The following USP34 variants were observed in gnomAD, a reference collection of about 807,000 sequenced individuals.
USP34 encodes ubiquitin carboxyl-terminal hydrolase 34.
In USP34, 70 loss-of-function variants were observed where a neutral mutation model predicts 460.3. The ratio of observed to expected loss-of-function variants is 0.15; its 90% CI spans 0.13 to 0.19. The LOEUF is 0.19. Among genes scored for constraint, USP34 ranks in the 10% least tolerant of loss-of-function variants. USP34 has a pLI of 1.00. For missense variants in USP34, 3,985 were observed against 4,236.2 expected, an observed-to-expected ratio of 0.94 and a Z score of 1.65; for synonymous variants, 1,647 against 1,405.3, an observed-to-expected ratio of 1.17 and a Z score of -3.85.
chr2:61,380,568 C>A (rs1020838272), intron 6 of USP34, among the ~76,000 whole-genome samples: 1 of 150,812 alleles, frequency 6.6e-6, no homozygotes, highest in Non-Finnish European at 1.5e-5. Flanking sequence ...TTCCTCAAGG[C>A]CTGTAATGGA....
intron 1 of USP34, among the ~76,000 whole-genome samples, chr2:61,466,406 T>C (rs989394672): frequency 6.6e-6 from 1 of 151,612 alleles, no homozygotes. Context: ...GCCTGGGCAA[T>C]GGGAAAGAAA....
Position 61,308,401 on chromosome 2 carries a change from C to A in USP34, c.3817+3139G>T, listed in dbSNP as rs562072316. Among the ~76,000 whole-genome samples the A allele has an allele frequency of 2.0e-4, 30 of 151,890 alleles. No homozygotes were observed. In the South Asian group the frequency reaches 5.8e-3, roughly 30 times the overall value. On this transcript the variant is annotated intron_variant, in intron 27 of 79. Coordinates refer to ENST00000398571, the MANE Select transcript of USP34 (RefSeq NM_014709.4). ...AATGAAAAACTCAGTAGAAAGACTG[C>A]AAAATAATGTTGAGAACATCTCTCA...
At chr2:61,300,426 A>G (rs1281157843) in intron 29 of USP34, among the ~76,000 whole-genome samples, 1 of 148,420 alleles carries the variant, frequency 6.7e-6, no homozygotes, top group Non-Finnish European at 1.5e-5. Flanking sequence ...TGACCTCGTG[A>G]TCTGCCCATC....
chr2:61,406,956 G>A (rs907463617), intron 2 of USP34, among the ~76,000 whole-genome samples: 4 of 152,078 alleles, frequency 2.6e-5, no homozygotes, highest in African/African-American at 9.7e-5. Flanking sequence ...GCTGTAGTGA[G>A]CCAAGATTAC....
chr2:61,397,212 G>C (rs1019540451), intron 3 of USP34, among the ~76,000 whole-genome samples: 2 of 152,064 alleles, frequency 1.3e-5, no homozygotes, highest in African/African-American at 2.4e-5. Context: ...GGAGGCCAAG[G>C]TGGGCAGATC....
chr2:61,381,182 G>C (rs915473570), intron 6 of USP34, among the ~76,000 whole-genome samples: 1 of 131,712 alleles, frequency 7.6e-6, no homozygotes, highest in Non-Finnish European at 1.6e-5. Context: ...CCCTCTGCAA[G>C]AAACACCCAA....
At chr2:61,206,614 A>C in intron 71 of USP34, 146 bp downstream of exon 71, 1 of 1,060,744 alleles carries the variant, frequency 9.4e-7, no homozygotes. Context: ...TTCATGACAA[A>C]CATTTCCTGA....
intron 75 of USP34, chr2:61,200,117 T>TCA (rs1439349946): frequency 6.6e-6 from 1 of 152,430 alleles, no homozygotes; most frequent in African/African-American, 2.4e-5. Flanking sequence ...AGTGGTGTGA[T>TCA]CACAGCTCAC....
Position 61,331,268 on chromosome 2 carries a change from G to GT in USP34, c.2930+7dup, listed in dbSNP as rs1190910572. 3.7e-6 allele frequency: 6 copies of GT among 1,604,218 alleles called. No individual in the cohort carries two copies. In the Admixed American group the frequency reaches 8.4e-5, roughly 22 times the overall value. ...CAAATGTATTTAACCCAGTTGAGAG[G>GT]TACTTACAGTGCATGTTTTTGTCTT... is the stretch of plus-strand genomic sequence containing the variant. On this transcript the variant is annotated splice_region_variant and intron_variant, in intron 20 of 79. Coordinates refer to ENST00000398571, the MANE Select transcript of USP34 (RefSeq NM_014709.4).
intron 53 of USP34, among the ~76,000 whole-genome samples, chr2:61,237,312 C>T (rs967723360): frequency 1.3e-5 from 2 of 152,114 alleles, no homozygotes; most frequent in African/African-American, 4.8e-5. Flanking sequence ...GAGCCCCATT[C>T]TAAACTCTGG....
intron 2 of USP34, among the ~76,000 whole-genome samples, chr2:61,417,869 G>T (rs1694243774): frequency 6.7e-6 from 1 of 149,816 alleles, no homozygotes. Context: ...AGGCTCCCGA[G>T]TAGCTGGGGT....
rs894801767 is a variant in USP34 at position 61,220,461 on chromosome 2, C to T, written c.7900-4G>A. On this transcript the variant is annotated splice_region_variant and splice_polypyrimidine_tract_variant and intron_variant, in intron 66 of 79. Coordinates refer to ENST00000398571, the MANE Select transcript of USP34 (RefSeq NM_014709.4). The stretch of plus-strand genomic sequence containing the variant: ...GAGAAGGATTGTATTCAATCACCTA[C>T]AAATAACATGACAAGAACAGAATAT... The T allele has an allele frequency of 3.1e-6, 5 of 1,604,602 alleles. No homozygotes were observed. In the African/African-American group the frequency reaches 5.4e-5, roughly 17 times the overall value.
At chr2:61,452,539 G>A (rs1380183669) in intron 1 of USP34, among the ~76,000 whole-genome samples, 1 of 151,750 alleles carries the variant, frequency 6.6e-6, no homozygotes, top group Non-Finnish European at 1.5e-5. Context: ...TGGTCAGGCT[G>A]GTCTCCTGAC....
chr2:61,283,863 C>T (rs1266873497), intron 35 of USP34, among the ~76,000 whole-genome samples: 1 of 146,084 alleles, frequency 6.8e-6, no homozygotes, highest in African/African-American at 2.5e-5. Flanking sequence ...TAAAGACTCA[C>T]TGAAGAAGAG....
rs761524535 is a variant in USP34 at position 61,314,637 on chromosome 2, T to C, written c.3490A>G (p.Ile1164Val). Residue 1164 changes from isoleucine to valine, a missense_variant, in exon 25 of 80, where the codon ATA (isoleucine) becomes GTA (valine). This residue lies in a region of USP34 where 1,114 missense variants were observed against 1,122.5 expected (regional missense o/e 0.99). Coordinates refer to ENST00000398571, the MANE Select transcript of USP34 (RefSeq NM_014709.4). ...TTCAGCATAAGGAGTCCTCTTTCTA[T>C]AACCATGAGACTTGAGTGTGATTCC... ...EQESHSSLMV[I>V]ERGLLMLKTH... is the part of the protein sequence containing the mutation. 2 of 1,596,822 alleles carry C rather than the reference T, an allele frequency of 1.3e-6. No homozygotes were observed. The highest frequency in any genetic ancestry group is 1.7e-6 in the Non-Finnish European group (2 of 1,174,680).
chr2:61,197,174 G>A (rs1461874325), intron 75 of USP34, among the ~76,000 whole-genome samples: 2 of 152,140 alleles, frequency 1.3e-5, no homozygotes, highest in East Asian at 1.9e-4. Flanking sequence ...GGAGGCTGAG[G>A]CAGGAGAAAT....
chr2:61,348,559 T>G, intron 14 of USP34, 79 bp from the exon 15 acceptor site: 1 of 1,512,994 alleles, frequency 6.6e-7, no homozygotes, highest in Non-Finnish European at 8.8e-7. Context: ...TAAACTGTAC[T>G]TTTTAAAAAG....
chr2:61,259,698 T>C lies in USP34; in HGVS notation c.5844+13A>G, dbSNP rs1195931882. The C allele has an allele frequency of 1.9e-6, 3 of 1,611,672 alleles. No individual in the cohort carries two copies. Among genetic ancestry groups the C allele is most frequent in the Non-Finnish European group, 8.5e-7 (1 of 1,179,280 alleles). On this transcript the variant is annotated intron_variant, in intron 44 of 79. Coordinates refer to ENST00000398571, the MANE Select transcript of USP34 (RefSeq NM_014709.4). The stretch of plus-strand genomic sequence containing the variant: ...ACAGTGCCTGGCCTAGCCTCCATGA[T>C]TCTTAAACATACCATTAAATATGTA...
chr2:61,316,919 A>G (rs1282780914), intron 23 of USP34, among the ~76,000 whole-genome samples: 1 of 152,148 alleles, frequency 6.6e-6, no homozygotes, highest in Non-Finnish European at 1.5e-5. Flanking sequence ...TTTAAAAATA[A>G]TTCTTTTTCC....
Sources: gnomAD v4.1 joint callset for allele counts (sites outside exome capture counted in the v4.1 genomes callset) on GRCh38, gnomAD v4.1.1 for gene constraint, gnomAD v4.1.1 regional missense constraint, MANE v1.5 for transcripts, NCBI Gene and HGNC (gene_info 2026-07-23, HGNC 2026-07-21) for gene names.